NRXN3: variants seen among roughly 807,000 people sequenced by gnomAD.
NRXN3 encodes the protein neurexin III.
NRXN3 carries 32 observed loss-of-function variants against 137.6 expected under a neutral mutation model. That is an observed-to-expected ratio of 0.23 (90% CI 0.18 to 0.31). The LOEUF (loss-of-function observed/expected upper bound fraction) is 0.31, where lower values mean the gene tolerates loss of function less well. NRXN3 is among the 10% of genes least tolerant of loss of function. The probability of loss-of-function intolerance (pLI) is 1.00; values close to 1 mark genes in which losing one functional copy is unlikely to be tolerated. For missense variants in NRXN3, 1,574 were observed against 2,062.5 expected, an observed-to-expected ratio of 0.76 and a Z score of 4.59; for synonymous variants, 798 against 784.5, an observed-to-expected ratio of 1.02 and a Z score of -0.29.
intron 15 of NRXN3, among the ~76,000 whole-genome samples, chr14:79,227,730 C>G (rs2071217253): frequency 6.7e-6 from 1 of 148,522 alleles, no homozygotes; most frequent in African/African-American, 2.5e-5. Flanking sequence ...TTCTCTCTCT[C>G]TCCTTTCTCT....
intron 4 of NRXN3, among the ~76,000 whole-genome samples, chr14:78,576,805 A>C (rs1165386870): frequency 1.3e-5 from 2 of 152,212 alleles, no homozygotes; most frequent in Non-Finnish European, 2.9e-5. Context: ...AAAATTTGCG[A>C]CTTCCTATAC....
At chr14:79,484,764 T>C (rs1041925074) in intron 16 of NRXN3, among the ~76,000 whole-genome samples, 1 of 152,202 alleles carries the variant, frequency 6.6e-6, no homozygotes, top group Non-Finnish European at 1.5e-5. Context: ...AGGTATTTAG[T>C]TTAGAAGAGG....
At chr14:79,653,159 T>C (rs755792096) in intron 16 of NRXN3, among the ~76,000 whole-genome samples, 27 of 152,124 alleles carry the variant, frequency 1.8e-4, no homozygotes, top group Admixed American at 5.2e-4. Context: ...CTTATTTCAG[T>C]GTGTTCATCC....
intron 4 of NRXN3, among the ~76,000 whole-genome samples, chr14:78,475,038 G>A (rs1351810402): frequency 6.6e-6 from 1 of 152,158 alleles, no homozygotes; most frequent in African/African-American, 2.4e-5. Flanking sequence ...TGTAGGTACA[G>A]CCTAACTTAA....
Position 78,242,862 on chromosome 14 carries a change from T to C in NRXN3, c.-232T>C. On this transcript the variant is annotated 5_prime_UTR_variant, in exon 2 of 21. Coordinates refer to ENST00000335750, the MANE Select transcript of NRXN3 (RefSeq NM_001330195.2). ...CTCCTCTTCTGCTGGTCCTGTCTTT[T>C]TCTACTGCCTCTTTATTCAATTTCT... 2.1e-6 allele frequency: 1 copy of C among 473,904 alleles called. No homozygotes were observed. The highest frequency in any genetic ancestry group is 3.7e-6 in the Non-Finnish European group (1 of 271,476). 29.4% of individuals were successfully genotyped at this position (473,904 alleles called of 1,614,324 possible). A position where few individuals can be genotyped will look rare whatever the true frequency, so the allele number is the denominator to read the frequency against.
At chr14:78,363,511 T>G (rs1420357761) in intron 4 of NRXN3, among the ~76,000 whole-genome samples, 1 of 152,218 alleles carries the variant, frequency 6.6e-6, no homozygotes, top group Non-Finnish European at 1.5e-5. Flanking sequence ...CCACTTTAGT[T>G]ATGATAAGAC....
At chr14:78,213,047 C>A (rs1404796647) in intron 1 of NRXN3, among the ~76,000 whole-genome samples, 3 of 152,174 alleles carry the variant, frequency 2.0e-5, no homozygotes, top group African/African-American at 7.2e-5. Context: ...TTCTGAGGAG[C>A]TCCCTGGTTT....
chr14:78,483,300 T>A (rs1489999147), intron 4 of NRXN3, among the ~76,000 whole-genome samples: 1 of 152,248 alleles, frequency 6.6e-6, no homozygotes, highest in Non-Finnish European at 1.5e-5. Flanking sequence ...GCTGTTCAAC[T>A]TTTTGGGAAT....
chr14:79,471,526 G>C (rs899664641), intron 16 of NRXN3, among the ~76,000 whole-genome samples: 1 of 152,164 alleles, frequency 6.6e-6, no homozygotes, highest in African/African-American at 2.4e-5. Context: ...AGTATCTTAA[G>C]CTCATGTTGC....
At chr14:78,475,625 T>TA (rs2095365368) in intron 4 of NRXN3, among the ~76,000 whole-genome samples, 1 of 152,154 alleles carries the variant, frequency 6.6e-6, no homozygotes, top group African/African-American at 2.4e-5. Flanking sequence ...GCCTACAAAT[T>TA]ACCGCTGACA....
At chr14:78,871,427 T>C (rs1479549016) in intron 10 of NRXN3, among the ~76,000 whole-genome samples, 2 of 152,136 alleles carry the variant, frequency 1.3e-5, no homozygotes, top group African/African-American at 2.4e-5. Flanking sequence ...TTACATGATA[T>C]GAAATTCACA....
At chr14:79,538,034 G>A (rs1042070539) in intron 16 of NRXN3, among the ~76,000 whole-genome samples, 7 of 152,190 alleles carry the variant, frequency 4.6e-5, no homozygotes, top group Non-Finnish European at 1.0e-4. Flanking sequence ...GCATTTCTCT[G>A]ATGGCCGGTG....
chr14:79,658,175 A>C (rs1476666654), intron 16 of NRXN3, among the ~76,000 whole-genome samples: 1 of 152,152 alleles, frequency 6.6e-6, no homozygotes, highest in Non-Finnish European at 1.5e-5. Context: ...TTAGAGTCAG[A>C]CCTGGATTCT....
intron 15 of NRXN3, among the ~76,000 whole-genome samples, chr14:79,003,535 T>C (rs2099546001): frequency 6.6e-6 from 1 of 152,184 alleles, no homozygotes; most frequent in South Asian, 2.1e-4. Flanking sequence ...TGATGTGCTT[T>C]AACATGAAAC....
intron 1 of NRXN3, among the ~76,000 whole-genome samples, chr14:78,237,826 A>G (rs1467516465): frequency 6.6e-6 from 1 of 152,184 alleles, no homozygotes; most frequent in African/African-American, 2.4e-5. Flanking sequence ...CCAGAGAGCC[A>G]CTGGAGAGAT....
chr14:79,012,746 G>C (rs1417519764), intron 15 of NRXN3, among the ~76,000 whole-genome samples: 3 of 152,134 alleles, frequency 2.0e-5, no homozygotes. Flanking sequence ...GGAATTTTAA[G>C]TCTTGACTTT....
chr14:79,764,087 C>A (rs1039732585), intron 19 of NRXN3, among the ~76,000 whole-genome samples: 1 of 150,732 alleles, frequency 6.6e-6, no homozygotes, highest in Admixed American at 6.6e-5. Context: ...AATAGTTCAC[C>A]CTGTCCAATG....
At chr14:78,722,500 A>G (rs1225748278) in intron 8 of NRXN3, among the ~76,000 whole-genome samples, 1 of 152,194 alleles carries the variant, frequency 6.6e-6, no homozygotes, top group African/African-American at 2.4e-5. Flanking sequence ...CTCTGGCTTC[A>G]TGTTTCTTTT....
chr14:78,281,706 C>T (rs911442002), intron 3 of NRXN3, among the ~76,000 whole-genome samples: 2 of 152,208 alleles, frequency 1.3e-5, no homozygotes, highest in African/African-American at 4.8e-5. Flanking sequence ...TCTCTTAACC[C>T]TCCATGTCAG....
Sources: gnomAD v4.1 joint callset for allele counts (sites outside exome capture counted in the v4.1 genomes callset) on GRCh38, gnomAD v4.1.1 for gene constraint, MANE v1.5 for transcripts, NCBI Gene and HGNC (gene_info 2026-07-23, HGNC 2026-07-21) for gene names.